RSPH10B2: variants seen among roughly 807,000 people sequenced by gnomAD.
RSPH10B2 encodes radial spoke head 10 homolog B2.
RSPH10B2 carries 9 observed loss-of-function variants against 49.0 expected under a neutral mutation model. The observed-to-expected ratio is 0.18, with a 90% CI of 0.11 to 0.32. The LOEUF is 0.32. RSPH10B2 is among the 10% of genes least tolerant of loss of function. The probability of loss-of-function intolerance (pLI) is 1.00; values close to 1 mark genes in which losing one functional copy is unlikely to be tolerated. For synonymous variants in RSPH10B2, 35 were observed against 210.2 expected, an observed-to-expected ratio of 0.17 and a Z score of 7.21; for missense variants, 95 against 589.9, an observed-to-expected ratio of 0.16 and a Z score of 8.69.
At chr7:6,776,849 C>G (rs1369659675) in intron 10 of RSPH10B2, among the ~76,000 whole-genome samples, 8 of 108,490 alleles carry the variant, frequency 7.4e-5, no homozygotes. Flanking sequence ...TGCACTCCAG[C>G]CTGGGTGACA....
At position 6,781,219 on chromosome 7, in the gene RSPH10B2, C is replaced by T; in HGVS notation, c.1610-109C>T. On this transcript the variant is annotated intron_variant, in intron 12 of 18. Coordinates refer to ENST00000297186, the Ensembl canonical transcript of RSPH10B2. ...TGCCACTGCACTCTAGCCTGGGTGACATCAAGACTCTGTCTCGGAAAAAAA... is the reference window on the plus strand; with the variant it reads ...TGCCACTGCACTCTAGCCTGGGTGATATCAAGACTCTGTCTCGGAAAAAAA... The T allele has an allele frequency of 3.7e-6, 4 of 1,095,794 alleles. 1 individual carries two copies. The highest frequency in any genetic ancestry group is 4.8e-6 in the Non-Finnish European group (4 of 830,244). The allele number at this position is 1,095,794 out of a possible 1,614,324, so 67.9% of individuals were successfully genotyped here. A position where few individuals can be genotyped will look rare whatever the true frequency, so the allele number is the denominator to read the frequency against.
At position 6,765,853 on chromosome 7, in the gene RSPH10B2, G is replaced by A. The variant is rs1468893048; in HGVS notation, c.659+62G>A. ...AAGAAGGGTTTGTGGGCCCAATAGCGTTCACCTCGGATATTTAAAAGTAAG... is the reference window on the plus strand; with the variant it reads ...AAGAAGGGTTTGTGGGCCCAATAGCATTCACCTCGGATATTTAAAAGTAAG... On this transcript the variant is annotated intron_variant, in intron 5 of 18. Coordinates refer to ENST00000297186, the Ensembl canonical transcript of RSPH10B2. 39 of 1,434,082 alleles carry A rather than the reference G, an allele frequency of 2.7e-5. 3 individuals carry two copies. The highest frequency in any genetic ancestry group is 3.0e-5 in the Non-Finnish European group (33 of 1,084,146). The allele number at this position is 1,434,082 out of a possible 1,614,324, so 88.8% of individuals were successfully genotyped here. A position where few individuals can be genotyped will look rare whatever the true frequency, so the allele number is the denominator to read the frequency against.
In RSPH10B2 at chr7:6,776,873, T is replaced by TCTCA. The variant is rs1460063586; in HGVS notation, c.1414+328_1414+329insTCAC. Among the ~76,000 whole-genome samples the TCTCA allele has an allele frequency of 1.4e-3, 158 of 111,064 alleles. 1 individual carries two copies. Among genetic ancestry groups the TCTCA allele is most frequent in the African/African-American group, 5.2e-3 (151 of 29,214 alleles). The allele number at this position is 111,064 out of a possible 152,430, so 72.9% of individuals were successfully genotyped here. ...GCCTGGGTGACAGGGCGAGACTCCATCACACACACACACACACACACACAC... is the reference window on the plus strand; with the variant it reads ...GCCTGGGTGACAGGGCGAGACTCCATCTCACACACACACACACACACACACACAC... On this transcript the variant is annotated intron_variant, in intron 10 of 18. Transcript: ENST00000297186.
At chr7:6,758,794 A>G (rs1471902137) in intron 1 of RSPH10B2, among the ~76,000 whole-genome samples, 1 of 125,390 alleles carries the variant, frequency 8.0e-6, no homozygotes, top group Non-Finnish European at 1.7e-5. Flanking sequence ...GCAGTGAGCC[A>G]AGATCACGTC....
At chr7:6,769,955 C>T (rs1201153257) in intron 7 of RSPH10B2, among the ~76,000 whole-genome samples, 18 of 32,404 alleles carry the variant, frequency 5.6e-4, no homozygotes, top group Non-Finnish European at 8.4e-4. Context: ...TGTGTGTGTA[C>T]GTGTGTGTGT....
At chr7:6,780,581 C>T (rs1781896422) in intron 11 of RSPH10B2, among the ~76,000 whole-genome samples, 1 of 116,696 alleles carries the variant, frequency 8.6e-6, no homozygotes, top group African/African-American at 3.3e-5. Context: ...GATGGGGTTT[C>T]ACCATGTTGG....
chr7:6,783,289 C>T (rs1782011469), intron 13 of RSPH10B2, among the ~76,000 whole-genome samples: 1 of 116,168 alleles, frequency 8.6e-6, no homozygotes, highest in African/African-American at 3.7e-5. Flanking sequence ...GTCGGACTCC[C>T]AAAGTGCTGG....
At chr7:6,757,931 G>A in exon 1 of RSPH10B2, 1 of 1,606,310 alleles carries the variant, frequency 6.2e-7, no homozygotes, top group Non-Finnish European at 8.5e-7. Context: ...ATAGTGGAAA[G>A]GTGATTTTAA....
chr7:6,756,197 G>C (rs1374058113), upstream of RSPH10B2, among the ~76,000 whole-genome samples: 1 of 141,914 alleles, frequency 7.0e-6, no homozygotes, highest in Non-Finnish European at 1.5e-5. Flanking sequence ...ATGAACCCGG[G>C]AGGTGGAGCT....
In RSPH10B2 at chr7:6,781,535, G is replaced by C. The variant is rs1301952115; in HGVS notation, c.1758+59G>C. 3.0e-5 allele frequency: 37 copies of C among 1,227,324 alleles called. No individual in the cohort carries two copies. The Admixed American group carries it at 1.2e-3, about 41-fold the overall frequency. 76.0% of individuals were successfully genotyped at this position (1,227,324 alleles called of 1,614,324 possible). On this transcript the variant is annotated intron_variant, in intron 13 of 18. Transcript: ENST00000297186. Reference sequence around the variant, plus strand: ...TACAGGCACTTTGATTTTAATTAAAGAAAGGCAGGATATTCCAGCTGTGAT... The same window carrying C: ...TACAGGCACTTTGATTTTAATTAAACAAAGGCAGGATATTCCAGCTGTGAT...
upstream of RSPH10B2, among the ~76,000 whole-genome samples, chr7:6,756,290 A>AT (rs1385449737): frequency 7.6e-6 from 1 of 131,650 alleles, no homozygotes; most frequent in Non-Finnish European, 1.6e-5. Flanking sequence ...AAATAAATAA[A>AT]TAAACAAACC....
At position 6,797,133 on chromosome 7, in the gene RSPH10B2, C is replaced by T. The variant is rs200958434; in HGVS notation, c.2432+367C>T. 2.4e-3 allele frequency among the ~76,000 whole-genome samples: 349 copies of T among 142,528 alleles called. 36 individuals carry two copies. The highest frequency in any genetic ancestry group is 3.8e-3 in the Non-Finnish European group (248 of 65,164). 93.5% of individuals were successfully genotyped at this position (142,528 alleles called of 152,430 possible). On this transcript the variant is annotated intron_variant, in intron 18 of 18. Coordinates refer to ENST00000297186, the Ensembl canonical transcript of RSPH10B2. ...AAGCGATTCTCTTGCCTCAGCCTCC[C>T]GAGTAGCTGGGATTACAAGCATGCA...
upstream of RSPH10B2, among the ~76,000 whole-genome samples, chr7:6,756,381 C>CTTTTG: frequency 1.1e-5 from 1 of 94,506 alleles, no homozygotes; most frequent in African/African-American, 5.5e-5. Context: ...AGGAGAGGGG[C>CTTTTG]TTTTGTTTTG....
Position 6,760,532 on chromosome 7 carries a change from A to G in RSPH10B2, c.399+238A>G, listed in dbSNP as rs191175487. Among the ~76,000 whole-genome samples the G allele has an allele frequency of 6.1e-3, 671 of 110,734 alleles. 190 individuals are homozygous for G. The highest frequency in any genetic ancestry group is 9.1e-3 in the Non-Finnish European group (473 of 51,910). 72.6% of individuals were successfully genotyped at this position (110,734 alleles called of 152,430 possible). A position where few individuals can be genotyped will look rare whatever the true frequency, so the allele number is the denominator to read the frequency against. ...TTCTAAGCACAGAGAGCACACATAC[A>G]TGTATGTAGCTTGTCCTACTTTTTT... is the stretch of plus-strand genomic sequence containing the variant. On this transcript the variant is annotated intron_variant, in intron 3 of 18. Coordinates refer to ENST00000297186, the Ensembl canonical transcript of RSPH10B2.
chr7:6,798,408 CTA>C lies in RSPH10B2; in HGVS notation c.2480_2481del (p.Tyr827Ter), dbSNP rs1562423707. The C allele has an allele frequency of 8.0e-7, 1 of 1,248,820 alleles. No individual in the cohort carries two copies. The highest frequency in any genetic ancestry group is 1.0e-6 in the Non-Finnish European group (1 of 974,410). 77.4% of individuals were successfully genotyped at this position (1,248,820 alleles called of 1,614,324 possible). ...GAGAGGAAGAGGCCAAGAGACATGA[CTA>C]TGAGGTGGACATCACAGTGCTCAAG... On this transcript the variant is annotated frameshift_variant, in exon 19 of 19. Transcript: ENST00000297186. LOFTEE classifies it low-confidence loss of function (END_TRUNC).
At chr7:6,783,168 C>T (rs1562413176) in intron 13 of RSPH10B2, among the ~76,000 whole-genome samples, 1 of 110,600 alleles carries the variant, frequency 9.0e-6, no homozygotes, top group Non-Finnish European at 1.8e-5. Flanking sequence ...GTAGCTGGGA[C>T]TAAAGGCGTG....
upstream of RSPH10B2, among the ~76,000 whole-genome samples, chr7:6,756,071 A>C (rs534397924): frequency 1.8e-3 from 269 of 150,818 alleles, 1 homozygote; most frequent in Non-Finnish European, 1.4e-3. Flanking sequence ...GATCGAGACC[A>C]TCCTGGCTAA....
rs776601860 is a variant in RSPH10B2, at chr7:6,766,858, G to A, written c.761G>A (p.Arg254Gln). 8.5e-5 allele frequency: 62 copies of A among 731,586 alleles called. 2 individuals carry two copies. The highest frequency in any genetic ancestry group is 1.7e-4 in the African/African-American group (6 of 35,608). The allele number at this position is 731,586 out of a possible 1,614,324, so 45.3% of individuals were successfully genotyped here. Residue 254 changes from arginine to glutamine, a missense_variant, in exon 6 of 19, where the codon CGG (arginine) becomes CAG (glutamine). Arg to Gln is a conservative substitution (Grantham distance 43, BLOSUM62 1). Coordinates refer to ENST00000297186, the Ensembl canonical transcript of RSPH10B2. ...ACCACCAACGAAGAGTACACCGGGC[G>A]GTGGGAGAGGGGCATCCAGGTACGC...
rs1232225457 is a variant in RSPH10B2 at position 6,760,343 on chromosome 7, ACAAT to A, written c.399+52_399+55del. On this transcript the variant is annotated intron_variant, in intron 3 of 18. Transcript: ENST00000297186. ...TTCTAAGCTGTGATTATTGGATGGA[ACAAT>A]CAGTTTCCCACAATTGAACAGACTG... The A allele has an allele frequency of 7.9e-6, 2 of 252,198 alleles. 1 individual carries two copies. The highest frequency in any genetic ancestry group is 1.4e-5 in the Non-Finnish European group (2 of 143,850). 15.6% of individuals were successfully genotyped at this position (252,198 alleles called of 1,614,324 possible).
Sources: gnomAD v4.1 joint callset for allele counts (sites outside exome capture counted in the v4.1 genomes callset) on GRCh38, gnomAD v4.1.1 for gene constraint, MANE v1.5 for transcripts, NCBI Gene and HGNC (gene_info 2026-07-23, HGNC 2026-07-21) for gene names.